Variants in CADPS observed in about 807,000 individuals in gnomAD.
CADPS encodes calcium-dependent secretion activator 1.
CADPS carries 57 observed loss-of-function variants against 167.3 expected under a neutral mutation model. That is an observed-to-expected ratio of 0.34 (90% confidence interval 0.28 to 0.42). The LOEUF is 0.42. CADPS is among the 20% of genes least tolerant of loss of function. The pLI is 1.00. For missense variants in CADPS, 1,414 were observed against 1,738.1 expected (o/e 0.81, Z 3.32); for synonymous variants, 676 against 635.3 (o/e 1.06, Z -0.96).
At chr3:62,716,092 C>T (rs1237168417) in intron 3 of CADPS, among the ~76,000 whole-genome samples, 3 of 151,986 alleles carry the variant, frequency 2.0e-5, no homozygotes, top group South Asian at 2.1e-4. Context: ...CAGAGTTTTG[C>T]TCTGTCGTCC....
intron 9 of CADPS, among the ~76,000 whole-genome samples, chr3:62,559,887 CACTT>C (rs1277380027): frequency 6.6e-6 from 1 of 151,618 alleles, no homozygotes; most frequent in African/African-American, 2.4e-5. Flanking sequence ...TGCCGACACT[CACTT>C]AAGATTTAAA....
intron 24 of CADPS, chr3:62,466,624 C>G: frequency 1.6e-6 from 1 of 610,024 alleles, no homozygotes; most frequent in East Asian, 3.0e-5. Flanking sequence ...GTTCATTGTT[C>G]CTTACTCAAG....
intron 1 of CADPS, among the ~76,000 whole-genome samples, chr3:62,775,355 T>TA: frequency 6.6e-6 from 1 of 152,184 alleles, no homozygotes; most frequent in East Asian, 1.9e-4. Context: ...GCCTGGCCCG[T>TA]AAGTGGTTTT....
In CADPS at chr3:62,874,700, T is replaced by A; in HGVS notation, c.330A>T (p.Lys110Asn). 6.5e-7 allele frequency: 1 copy of A among 1,549,926 alleles called. No homozygotes were observed. ...GCCTCTTCTTCCTCTCCTCCTCCTC[T>A]TTCTGCAGCCGCTCCAACTCTTCCT... ...KEKEELERLQ[K>N]EEEERKKRLQ... The change falls in exon 1 of 30, where the codon AAA (lysine) becomes AAT (asparagine). Residue 110 changes from lysine to asparagine, a missense_variant. Around this residue, in one of 6 missense-constraint regions of CADPS, gnomAD observed 522 missense variants for 559.5 expected, o/e 0.93. Coordinates refer to ENST00000383710, the MANE Select transcript of CADPS (RefSeq NM_003716.4). The surrounding 1 kb of genome is among the most constrained non-coding windows in gnomAD (Gnocchi z 7.1).
chr3:62,551,045 A>G lies in CADPS; in HGVS notation c.1754-930T>C, dbSNP rs368425883. ...CTCTTCCTTAGAAGCACCCTCTCTC[A>G]TGGTGATGCCAACCAGCCTTTAAGT... On this transcript the variant is annotated intron_variant, in intron 10 of 29. Transcript: ENST00000383710. Among the ~76,000 whole-genome samples the G allele has an allele frequency of 6.0e-4, 91 of 152,126 alleles. 1 individual carries two copies. The South Asian group carries it at 0.013, about 22-fold the overall frequency.
At chr3:62,738,236 A>C (rs2079410761) in intron 3 of CADPS, among the ~76,000 whole-genome samples, 1 of 152,176 alleles carries the variant, frequency 6.6e-6, no homozygotes, top group Non-Finnish European at 1.5e-5. Flanking sequence ...GTGCCTGCCC[A>C]TTTCAGAGTG....
intron 11 of CADPS, among the ~76,000 whole-genome samples, chr3:62,547,586 G>GGCCCCC (rs2076665969): frequency 3.2e-5 from 1 of 31,434 alleles, no homozygotes; most frequent in African/African-American, 1.4e-4. Context: ...TATCATTTAC[G>GGCCCCC]CCCCCCCCCC....
chr3:62,571,420 A>G (rs1022853343), intron 8 of CADPS, among the ~76,000 whole-genome samples: 3 of 152,144 alleles, frequency 2.0e-5, no homozygotes, highest in Admixed American at 6.6e-5. Context: ...CAACATAGGA[A>G]GGTCTCCCCA....
At chr3:62,859,367 T>C (rs1043378941) in intron 1 of CADPS, among the ~76,000 whole-genome samples, 5 of 152,180 alleles carry the variant, frequency 3.3e-5, no homozygotes, top group African/African-American at 9.7e-5. Context: ...AGTGACACAT[T>C]ACGCCCCTCT....
Position 62,765,941 on chromosome 3 carries a change from G to T in CADPS, c.485C>A (p.Ala162Asp). The T allele has an allele frequency of 6.2e-7, 1 of 1,613,546 alleles. No homozygotes were observed. The highest frequency in any genetic ancestry group is 8.5e-7 in the Non-Finnish European group (1 of 1,179,586). Residue 162 changes from alanine (A) to aspartate (D), a missense_variant, in exon 2 of 30, where the codon GCT becomes GAT. Ala to Asp is a moderately radical substitution (Grantham distance 126, BLOSUM62 -2). Transcript: ENST00000383710. ...GATCTGGGTTTCCCCATTGAGGAAA[G>T]CCTGAAACCGGTCCTTGACTGTCTG... is the stretch of plus-strand genomic sequence containing the variant. ...QLQTVKDRFQ[A>D]FLNGETQIMA...
chr3:62,498,122 G>C (rs767106539), intron 18 of CADPS: 4 of 456,390 alleles, frequency 8.8e-6, no homozygotes, highest in South Asian at 6.2e-5. Context: ...GCAGGTGGCT[G>C]GTTCATTCGG....
chr3:62,445,818 T>C, intron 26 of CADPS, 21 bp from the exon 27 acceptor site: 1 of 1,484,378 alleles, frequency 6.7e-7, no homozygotes, highest in Non-Finnish European at 8.9e-7. Context: ...AAGAAGAGGA[T>C]GGAAGTGAGG....
chr3:62,528,663 T>A (rs1226792608), intron 13 of CADPS, among the ~76,000 whole-genome samples: 12 of 152,196 alleles, frequency 7.9e-5, no homozygotes, highest in Non-Finnish European at 1.8e-4. Flanking sequence ...AGAAACGGGA[T>A]CTGATACTCC....
At chr3:62,422,290 C>A (rs376132461) in intron 28 of CADPS, among the ~76,000 whole-genome samples, 2 of 152,170 alleles carry the variant, frequency 1.3e-5, no homozygotes, top group African/African-American at 2.4e-5. Flanking sequence ...CCCTGAGCCC[C>A]CAACCTGAAT....
Position 62,592,706 on chromosome 3 carries a change from T to C in CADPS, c.1368A>G (p.Pro456=). Residue 456 remains proline, a synonymous_variant, in exon 7 of 30, where the codon CCA becomes CCG. Transcript: ENST00000383710. ...QGDFSTTHAL[P]AVKVKLFTES... ...CTGTGAACAGCTTCACCTTCACAGCTGGCAGTGCATGGGTTGTGGAGAAGT... is the reference window on the plus strand; with the variant it reads ...CTGTGAACAGCTTCACCTTCACAGCCGGCAGTGCATGGGTTGTGGAGAAGT... 6.2e-7 allele frequency: 1 copy of C among 1,614,184 alleles called. No individual in the cohort carries two copies.
At position 62,705,459 on chromosome 3, in the gene CADPS, G is replaced by A. The variant is rs2082150496; in HGVS notation, c.889-43065C>T. Among the ~76,000 whole-genome samples the A allele has an allele frequency of 2.0e-5, 3 of 152,202 alleles. No homozygotes were observed. In the South Asian group the frequency reaches 6.2e-4, roughly 32 times the overall value. ...ATTGGACTGAAGGATGCAAAGTATT[G>A]TTCCTGGGTGTGTCTGTGAGGGTGT... On this transcript the variant is annotated intron_variant, in intron 3 of 29. Coordinates refer to ENST00000383710, the MANE Select transcript of CADPS (RefSeq NM_003716.4).
chr3:62,617,447 T>C (rs561171996), intron 6 of CADPS, among the ~76,000 whole-genome samples: 14 of 152,324 alleles, frequency 9.2e-5, no homozygotes, highest in Middle Eastern at 6.8e-3. Flanking sequence ...GCTTTCAAGA[T>C]AAATTTCTAA....
intron 5 of CADPS, among the ~76,000 whole-genome samples, chr3:62,650,086 G>A (rs2069697004): frequency 6.6e-6 from 1 of 151,976 alleles, no homozygotes; most frequent in Admixed American, 6.6e-5. Context: ...ATTTTTATTG[G>A]GTATCTGACA....
At chr3:62,594,386 C>T (rs950696990) in intron 6 of CADPS, among the ~76,000 whole-genome samples, 2 of 152,110 alleles carry the variant, frequency 1.3e-5, no homozygotes, top group Admixed American at 1.3e-4. Context: ...TGGTCTCGAT[C>T]TCCTGACCTC....
Sources: allele counts gnomAD v4.1 joint callset (sites outside exome capture counted in the v4.1 genomes callset), GRCh38; gene constraint gnomAD v4.1.1; regional missense constraint gnomAD v4.1.1; non-coding constraint Gnocchi (gnomAD v3.1); transcripts MANE v1.5; gene names NCBI Gene and HGNC (gene_info 2026-07-23, HGNC 2026-07-21).